The following IPO8 variants were observed in gnomAD, a reference collection of about 807,000 sequenced individuals.
The protein encoded by IPO8 is importin-8.
In IPO8, 65 loss-of-function variants were observed where a neutral mutation model predicts 141.2. That is an observed-to-expected ratio of 0.46 (90% CI 0.38 to 0.57). The LOEUF is 0.57. IPO8 is among the 20% of genes least tolerant of loss of function. The pLI, the probability that IPO8 is intolerant of heterozygous loss-of-function variation, is 0.00. For synonymous variants in IPO8, 411 were observed against 420.3 expected, an observed-to-expected ratio of 0.98 and a Z score of 0.27; for missense variants, 980 against 1,246.8, an observed-to-expected ratio of 0.79 and a Z score of 3.22.
intron 24 of IPO8, 114 bp from the exon 25 acceptor site, chr12:30,631,071 T>C (rs2052425684): frequency 1.5e-6 from 1 of 681,600 alleles, no homozygotes; most frequent in South Asian, 1.9e-5. Flanking sequence ...TGTGAAAGAA[T>C]GTGACTGGTA....
chr12:30,670,427 T>C (rs1435525141), intron 9 of IPO8, among the ~76,000 whole-genome samples: 1 of 152,188 alleles, frequency 6.6e-6, no homozygotes, highest in Non-Finnish European at 1.5e-5. Flanking sequence ...CCATTCCCAT[T>C]TGTTCTTTAG....
chr12:30,634,220 C>A lies in IPO8; in HGVS notation c.2762G>T (p.Arg921Ile). The A allele has an allele frequency of 6.2e-7, 1 of 1,614,006 alleles. No homozygotes were observed. The highest frequency in any genetic ancestry group is 1.1e-5 in the South Asian group (1 of 91,080). The change falls in exon 23 of 25, where the codon AGA becomes ATA. Residue 921 changes from arginine to isoleucine, a missense_variant. Transcript: ENST00000256079. ...TAQAMQSNNGRGEDEEEEDDD... is the reference protein window; with the variant it reads ...TAQAMQSNNGIGEDEEEEDDD... Reference sequence around the variant, plus strand: ...ATCTTCCTCCTCCTCATCTTCACCTCTTCCATTATTTGACTGCATTGCTTG... The same window carrying A: ...ATCTTCCTCCTCCTCATCTTCACCTATTCCATTATTTGACTGCATTGCTTG...
In IPO8 at chr12:30,652,592, A is replaced by G. The variant is rs1195336118; in HGVS notation, c.2075-303T>C. 2.0e-5 allele frequency among the ~76,000 whole-genome samples: 3 copies of G among 151,754 alleles called. No individual in the cohort carries two copies. In the East Asian group the frequency reaches 5.8e-4, roughly 29 times the overall value. On this transcript the variant is annotated intron_variant, in intron 18 of 24. Transcript: ENST00000256079. ...TGCTCATTTGTCTGCGTGATTCCCT[A>G]CCCTCCCATCATCCCCATTAGAATG...
rs148421357 is a variant in IPO8, at chr12:30,653,297, A to G, written c.1949-205T>C. Reference sequence around the variant, plus strand: ...TTACCAAGATCTGCCCCTCTGTTCAATAAGGCAAGGCAAAAATTTGTTTTC... The same window carrying G: ...TTACCAAGATCTGCCCCTCTGTTCAGTAAGGCAAGGCAAAAATTTGTTTTC... On this transcript the variant is annotated intron_variant, in intron 17 of 24. Transcript: ENST00000256079. 1.4e-4 allele frequency among the ~76,000 whole-genome samples: 21 copies of G among 152,176 alleles called. No homozygotes were observed. In the East Asian group the frequency reaches 3.9e-3, roughly 28 times the overall value.
intron 9 of IPO8, 104 bp downstream of exon 9, chr12:30,670,858 G>A (rs1048697871): frequency 1.2e-6 from 1 of 869,264 alleles, no homozygotes; most frequent in Non-Finnish European, 1.7e-6. Context: ...ATGGTAAAAT[G>A]TATATATATA....
At chr12:30,646,624 T>G (rs1377401813) in intron 20 of IPO8, among the ~76,000 whole-genome samples, 1 of 152,006 alleles carries the variant, frequency 6.6e-6, no homozygotes, top group Non-Finnish European at 1.5e-5. Context: ...AACTAATAAA[T>G]CAGTTCAGCA....
At chr12:30,665,546 T>C (rs1054917183) in intron 12 of IPO8, among the ~76,000 whole-genome samples, 183 bp downstream of exon 12, 1 of 152,260 alleles carries the variant, frequency 6.6e-6, no homozygotes, top group African/African-American at 2.4e-5. Context: ...AGTTTCATAC[T>C]GAAAACTTTA....
At chr12:30,647,597 C>T (rs1318823726) in intron 20 of IPO8, among the ~76,000 whole-genome samples, 1 of 91,782 alleles carries the variant, frequency 1.1e-5, no homozygotes, top group Non-Finnish European at 2.0e-5. Flanking sequence ...AGAATGAGAC[C>T]GTCTCCAAAA....
At chr12:30,675,257 C>G (rs980332192) in intron 6 of IPO8, among the ~76,000 whole-genome samples, 2 of 152,130 alleles carry the variant, frequency 1.3e-5, no homozygotes, top group African/African-American at 4.8e-5. Context: ...AGTATTATTG[C>G]AGATCAAAAT....
In IPO8 at chr12:30,695,333, A is replaced by T. The variant is rs1463519652; in HGVS notation, c.84+231T>A. On this transcript the variant is annotated intron_variant, in intron 1 of 24. Transcript: ENST00000256079. The surrounding 1 kb of genome is among the most constrained non-coding windows in gnomAD (Gnocchi z 4.2). Reference sequence around the variant, plus strand: ...CAAACTGCCCTGGAGAAGGGAGACGACACGAAAAGGTGCAAAGGTGGCCAA... The same window carrying T: ...CAAACTGCCCTGGAGAAGGGAGACGTCACGAAAAGGTGCAAAGGTGGCCAA... Among the ~76,000 whole-genome samples the T allele has an allele frequency of 6.6e-6, 1 of 152,200 alleles. No homozygotes were observed. The highest frequency in any genetic ancestry group is 1.5e-5 in the Non-Finnish European group (1 of 68,026).
chr12:30,653,586 A>G (rs1474594355), intron 17 of IPO8, among the ~76,000 whole-genome samples: 1 of 152,082 alleles, frequency 6.6e-6, no homozygotes, highest in Admixed American at 6.6e-5. Flanking sequence ...AACTTGTAAA[A>G]CGTACAGTAT....
At chr12:30,657,554 A>G (rs74843289) in intron 16 of IPO8, among the ~76,000 whole-genome samples, 8,237 of 152,230 alleles carry the variant, frequency 0.054, 345 homozygotes, top group African/African-American at 0.11. Context: ...TACCCTTCAC[A>G]CATATTATGT....
chr12:30,634,363 G>A, intron 22 of IPO8, 77 bp from the exon 23 acceptor site: 1 of 1,215,968 alleles, frequency 8.2e-7, no homozygotes, highest in East Asian at 2.4e-5. Flanking sequence ...AAAAACCAAA[G>A]ACTATAAAAC....
At position 30,639,009 on chromosome 12, in the gene IPO8, A is replaced by T. The variant is rs182882810; in HGVS notation, c.2489+506T>A. ...TTTTGAAAACTAGGAAGAGTGCTTC[A>T]CATAAAACCAAATTCTCCTACTGGG... On this transcript the variant is annotated intron_variant, in intron 21 of 24. Coordinates refer to ENST00000256079, the MANE Select transcript of IPO8 (RefSeq NM_006390.4). Among the ~76,000 whole-genome samples, 3 of 152,236 alleles carry T rather than the reference A, an allele frequency of 2.0e-5. No individual in the cohort carries two copies. The East Asian group carries it at 5.8e-4, about 29-fold the overall frequency.
At chr12:30,636,610 ATG>A (rs1250512363) in intron 22 of IPO8, among the ~76,000 whole-genome samples, 1 of 152,152 alleles carries the variant, frequency 6.6e-6, no homozygotes, top group Non-Finnish European at 1.5e-5. Context: ...TCTTAATGTA[ATG>A]ATTCATTTAA....
rs1371857830 is a variant in IPO8 at position 30,695,787 on chromosome 12, G to A, written c.-140C>T. On this transcript the variant is annotated 5_prime_UTR_variant, in exon 1 of 25. Coordinates refer to ENST00000256079, the MANE Select transcript of IPO8 (RefSeq NM_006390.4). The surrounding 1 kb of genome is among the most constrained non-coding windows in gnomAD (Gnocchi z 4.2). ...CCCCCCGCCACCGTCGCCACCTGCG[G>A]CCACTTGCTGCGCCACTCTGACTCC... is the stretch of plus-strand genomic sequence containing the variant. 2.9e-6 allele frequency: 2 copies of A among 682,086 alleles called. No individual in the cohort carries two copies. The highest frequency in any genetic ancestry group is 4.9e-6 in the Non-Finnish European group (2 of 412,332). 42.3% of individuals were successfully genotyped at this position (682,086 alleles called of 1,614,324 possible).
At position 30,695,629 on chromosome 12, in the gene IPO8, T is replaced by C. The variant is rs2053331815; in HGVS notation, c.19A>G (p.Ile7Val). 1 of 1,614,096 alleles carries C rather than the reference T, an allele frequency of 6.2e-7. No homozygotes were observed. Among genetic ancestry groups the C allele is most frequent in the Non-Finnish European group, 8.5e-7 (1 of 1,179,942 alleles). The change falls in exon 1 of 25, where the codon ATC (isoleucine) becomes GTC (valine). Residue 7 changes from isoleucine (I) to valine (V), a missense_variant. By Grantham distance (29) the Ile-to-Val change is conservative. This residue lies in a region of IPO8 where 40 missense variants were observed against 46.3 expected (regional missense o/e 0.86). Transcript: ENST00000256079. The surrounding 1 kb of genome is among the most constrained non-coding windows in gnomAD (Gnocchi z 4.2). MDLNRI[I>V]QALKGTIDPK... The stretch of plus-strand genomic sequence containing the variant: ...TCGATGGTGCCCTTCAGCGCCTGGA[T>C]GATCCGGTTGAGGTCCATCTCCCCG...
chr12:30,693,376 A>G (rs2053308950), intron 1 of IPO8, among the ~76,000 whole-genome samples: 2 of 152,216 alleles, frequency 1.3e-5, no homozygotes, highest in Admixed American at 1.3e-4. Flanking sequence ...AAAAAAATAT[A>G]TAGCTCCAAA....
chr12:30,669,101 T>G, intron 10 of IPO8, 82 bp downstream of exon 10: 1 of 593,432 alleles, frequency 1.7e-6, no homozygotes, highest in East Asian at 3.0e-5. Context: ...AATAAAGTAA[T>G]AACATTTGCT....
Sources: gnomAD v4.1 joint callset for allele counts (sites outside exome capture counted in the v4.1 genomes callset) on GRCh38, gnomAD v4.1.1 for gene constraint, gnomAD v4.1.1 regional missense constraint, Gnocchi (gnomAD v3.1) non-coding constraint, MANE v1.5 for transcripts, NCBI Gene and HGNC (gene_info 2026-07-23, HGNC 2026-07-21) for gene names.